CADM1: variants seen among roughly 807,000 people sequenced by gnomAD.
CADM1 encodes cell adhesion molecule 1.
CADM1 carries 15 observed loss-of-function variants against 53.1 expected under a neutral mutation model. That is an observed-to-expected ratio of 0.28 (90% CI 0.19 to 0.44). CADM1 has a LOEUF of 0.44. Among genes scored for constraint, CADM1 ranks in the 20% least tolerant of loss-of-function variants. CADM1 has a pLI of 1.00. For synonymous variants in CADM1, 281 were observed against 243.0 expected, an observed-to-expected ratio of 1.16 and a Z score of -1.45; for missense variants, 434 against 611.3, an observed-to-expected ratio of 0.71 and a Z score of 3.06.
chr11:115,454,200 A>AT (rs1427794205), intron 1 of CADM1, among the ~76,000 whole-genome samples: 9 of 152,224 alleles, frequency 5.9e-5, no homozygotes, highest in Non-Finnish European at 1.3e-4. Context: ...CTCTTGCAGC[A>AT]TAAAAAAAAA....
Position 115,206,758 on chromosome 11 carries a change from C to CTTTTTTTTTTTTTTTTTTTTTTT in CADM1, c.1078+2793_1078+2815dup, listed in dbSNP as rs56270694. ...AAAAGAAATAGATGACTGTGGACTTCTTTTTTTTTTTTTTTTTTTTTTTTT... is the reference window on the plus strand; with the variant it reads ...AAAAGAAATAGATGACTGTGGACTTCTTTTTTTTTTTTTTTTTTTTTTTTTTTTTTTTTTTTTTTTTTTTTTTT... On this transcript the variant is annotated intron_variant, in intron 8 of 11. Transcript: ENST00000331581. Among the ~76,000 whole-genome samples, 21 of 38,234 alleles carry CTTTTTTTTTTTTTTTTTTTTTTT rather than the reference C, an allele frequency of 5.5e-4. 9 individuals carry two copies. In the East Asian group the frequency reaches 5.6e-3, roughly 10 times the overall value. The allele number at this position is 38,234 out of a possible 152,430, so 25.1% of individuals were successfully genotyped here.
At chr11:115,355,870 A>G (rs1945856951) in intron 1 of CADM1, among the ~76,000 whole-genome samples, 1 of 152,140 alleles carries the variant, frequency 6.6e-6, no homozygotes, top group African/African-American at 2.4e-5. Context: ...CTCGCCCTGT[A>G]GCCCAGGCTG....
chr11:115,236,450 A>G (rs994123734), intron 3 of CADM1, among the ~76,000 whole-genome samples: 1 of 152,220 alleles, frequency 6.6e-6, no homozygotes, highest in Non-Finnish European at 1.5e-5. Flanking sequence ...ACTACTTTTT[A>G]TACTTGAAAG....
intron 1 of CADM1, among the ~76,000 whole-genome samples, chr11:115,418,996 A>G (rs998410158): frequency 2.0e-5 from 3 of 152,230 alleles, no homozygotes; most frequent in Non-Finnish European, 4.4e-5. Context: ...ATTGGGTCCC[A>G]TAAATGAATG....
chr11:115,221,479 A>C (rs1484734479), intron 5 of CADM1, among the ~76,000 whole-genome samples: 1 of 152,236 alleles, frequency 6.6e-6, no homozygotes, highest in Non-Finnish European at 1.5e-5. Context: ...TTCTGATTTG[A>C]TGAGACTTTC....
At chr11:115,377,142 T>C (rs1482492176) in intron 1 of CADM1, 1 of 152,188 alleles carries the variant, frequency 6.6e-6, no homozygotes, top group Non-Finnish European at 1.5e-5. Context: ...GTGTCAGAGT[T>C]GTCCTTTGAA....
chr11:115,451,039 A>AT (rs1948560696), intron 1 of CADM1, among the ~76,000 whole-genome samples: 1 of 152,222 alleles, frequency 6.6e-6, no homozygotes, highest in Non-Finnish European at 1.5e-5. Context: ...TGTAAAGCTC[A>AT]TTCTGTGGTG....
At chr11:115,315,824 C>T (rs1031461479) in intron 1 of CADM1, among the ~76,000 whole-genome samples, 2 of 152,164 alleles carry the variant, frequency 1.3e-5, no homozygotes, top group African/African-American at 2.4e-5. Flanking sequence ...ATTAAAAACA[C>T]AATTGTTTCT....
chr11:115,259,387 C>A (rs1942898358), intron 1 of CADM1, among the ~76,000 whole-genome samples: 1 of 143,240 alleles, frequency 7.0e-6, no homozygotes, highest in African/African-American at 2.6e-5. Flanking sequence ...CTCACCGCAA[C>A]CTCTGCCTCC....
chr11:115,349,518 C>G (rs1945670206), intron 1 of CADM1, among the ~76,000 whole-genome samples: 1 of 152,152 alleles, frequency 6.6e-6, no homozygotes, highest in Admixed American at 6.5e-5. Flanking sequence ...AAAATAACCT[C>G]CACTGCCTCA....
At chr11:115,208,832 G>A (rs573585040) in intron 8 of CADM1, among the ~76,000 whole-genome samples, 7 of 152,242 alleles carry the variant, frequency 4.6e-5, no homozygotes, top group African/African-American at 1.7e-4. Context: ...GAGAGCCACT[G>A]GATGCCAGGA....
chr11:115,250,640 T>C (rs1442565647), intron 1 of CADM1, among the ~76,000 whole-genome samples: 1 of 152,248 alleles, frequency 6.6e-6, no homozygotes, highest in Non-Finnish European at 1.5e-5. Context: ...TGGAGGAGGA[T>C]ATTCTTTTAA....
At chr11:115,328,151 C>G (rs1945009275) in intron 1 of CADM1, among the ~76,000 whole-genome samples, 1 of 151,522 alleles carries the variant, frequency 6.6e-6, no homozygotes, top group Admixed American at 6.6e-5. Flanking sequence ...TTTTTTATAT[C>G]AGATTGGCCA....
intron 1 of CADM1, among the ~76,000 whole-genome samples, chr11:115,252,085 T>G (rs553782203): frequency 6.6e-6 from 1 of 152,306 alleles, no homozygotes; most frequent in East Asian, 1.9e-4. Flanking sequence ...TTTTCACTAA[T>G]AGGGGGCAGC....
chr11:115,274,461 C>T (rs1943388729), intron 1 of CADM1, among the ~76,000 whole-genome samples: 1 of 152,242 alleles, frequency 6.6e-6, no homozygotes, highest in South Asian at 2.1e-4. Context: ...TCTACTTCTT[C>T]CCTTGTCCGC....
intron 1 of CADM1, among the ~76,000 whole-genome samples, chr11:115,380,378 C>T (rs757889171): frequency 6.6e-6 from 1 of 152,122 alleles, no homozygotes; most frequent in Non-Finnish European, 1.5e-5. Flanking sequence ...GTGCCATCTT[C>T]AAAATATTAA....
At chr11:115,346,323 A>T (rs192684200) in intron 1 of CADM1, among the ~76,000 whole-genome samples, 24 of 152,312 alleles carry the variant, frequency 1.6e-4, no homozygotes, top group African/African-American at 4.6e-4. Flanking sequence ...GGATTAACCT[A>T]CTGGGGTAAA....
chr11:115,180,681 C>T (rs1350333570), intron 10 of CADM1, among the ~76,000 whole-genome samples: 2 of 151,924 alleles, frequency 1.3e-5, no homozygotes, highest in Admixed American at 6.6e-5. Flanking sequence ...GGGAGCATTC[C>T]CCGTGGGGTG....
intron 1 of CADM1, among the ~76,000 whole-genome samples, chr11:115,433,080 C>T (rs1948096200): frequency 6.6e-6 from 1 of 152,152 alleles, no homozygotes; most frequent in Admixed American, 6.5e-5. Flanking sequence ...TAAAATACAG[C>T]CACACAGCTG....
Sources: allele counts gnomAD v4.1 joint callset (sites outside exome capture counted in the v4.1 genomes callset), GRCh38; gene constraint gnomAD v4.1.1; transcripts MANE v1.5; gene names NCBI Gene and HGNC (gene_info 2026-07-23, HGNC 2026-07-21).